Variants in CLIC5 observed in about 807,000 individuals in gnomAD.
The protein encoded by CLIC5 is chloride intracellular channel protein 5.
In CLIC5, 20 loss-of-function variants were observed where a neutral mutation model predicts 24.7. That is an observed-to-expected ratio of 0.81 (90% CI 0.57 to 1.18). CLIC5 has a LOEUF of 1.18. Among genes scored for constraint, CLIC5 ranks in the 50% most tolerant of loss-of-function variants. CLIC5 has a pLI of 0.00. For missense variants in CLIC5, 341 were observed against 326.1 expected (o/e 1.05, Z -0.35); for synonymous variants, 159 against 135.6 (o/e 1.17, Z -1.20).
chr6:45,984,492 G>A (rs888665374), intron 1 of CLIC5, among the ~76,000 whole-genome samples: 1 of 152,198 alleles, frequency 6.6e-6, no homozygotes, highest in Non-Finnish European at 1.5e-5. Flanking sequence ...AGTAAAATGA[G>A]AATGACACTT....
In CLIC5 at chr6:45,955,190, T is replaced by C; in HGVS notation, c.118A>G (p.Met40Val). 6.2e-7 allele frequency: 1 copy of C among 1,614,060 alleles called. No homozygotes were observed. Among genetic ancestry groups the C allele is most frequent in the Non-Finnish European group, 8.5e-7 (1 of 1,179,930 alleles). The change falls in exon 2 of 6, where the codon ATG (methionine) becomes GTG (valine). Residue 40 changes from methionine (M) to valine (V), a missense_variant. Met to Val is a conservative substitution (Grantham distance 21). Transcript: ENST00000339561. The part of the protein sequence containing the change: ...GNCPFSQRLF[M>V]ILWLKGVVFN... Reference sequence around the variant, plus strand: ...ACGACTCCTTTCAGCCAGAGGATCATGAAGAGGCGCTGAGAGAAAGGACAG... The same window carrying C: ...ACGACTCCTTTCAGCCAGAGGATCACGAAGAGGCGCTGAGAGAAAGGACAG...
chr6:46,026,932 C>T (rs1562012196), intron 1 of CLIC5, among the ~76,000 whole-genome samples: 1 of 152,186 alleles, frequency 6.6e-6, no homozygotes, highest in Admixed American at 6.5e-5. Context: ...ATAGCACCAA[C>T]TGCCTCACAA....
intron 4 of CLIC5, among the ~76,000 whole-genome samples, chr6:45,928,251 A>T (rs1337382928): frequency 6.6e-6 from 1 of 152,216 alleles, no homozygotes; most frequent in Non-Finnish European, 1.5e-5. Context: ...ATGTCTTTGC[A>T]ACACTAGTTG....
intron 1 of CLIC5, among the ~76,000 whole-genome samples, chr6:46,004,131 A>T (rs1317627533): frequency 1.3e-5 from 2 of 152,212 alleles, no homozygotes; most frequent in Non-Finnish European, 2.9e-5. Context: ...GCAGATGGGG[A>T]ATCGATGTCA....
intron 6 of CLIC5, among the ~76,000 whole-genome samples, chr6:45,889,938 T>A (rs1462739832): frequency 6.6e-6 from 1 of 152,184 alleles, no homozygotes; most frequent in Non-Finnish European, 1.5e-5. Context: ...ATTCATAGAA[T>A]GAAACACTAT....
chr6:45,906,476 G>T (rs1341302622), intron 5 of CLIC5, among the ~76,000 whole-genome samples: 1 of 151,678 alleles, frequency 6.6e-6, no homozygotes, highest in East Asian at 1.9e-4. Flanking sequence ...TATTTTTGCA[G>T]CTATTATAAA....
intron 1 of CLIC5, among the ~76,000 whole-genome samples, chr6:45,975,388 C>G (rs1415746654): frequency 6.6e-6 from 1 of 152,134 alleles, no homozygotes; most frequent in Non-Finnish European, 1.5e-5. Flanking sequence ...TAAAGTGATG[C>G]CCACGTGGCT....
At chr6:46,056,110 A>G (rs1768242723) in intron 1 of CLIC5, among the ~76,000 whole-genome samples, 1 of 152,190 alleles carries the variant, frequency 6.6e-6, no homozygotes, top group South Asian at 2.1e-4. Context: ...TTTTACCTCA[A>G]TGTAAAAAAT....
chr6:46,031,658 G>A (rs549486671), intron 1 of CLIC5, among the ~76,000 whole-genome samples: 9 of 152,010 alleles, frequency 5.9e-5, no homozygotes, highest in African/African-American at 1.9e-4. Context: ...ACTCTTAAGT[G>A]AGCAAAGGAT....
the CLIC5 span, among the ~76,000 whole-genome samples, chr6:46,100,760 T>G: frequency 3.1e-4 from 47 of 152,250 alleles, no homozygotes; most frequent in South Asian, 8.9e-3. Flanking sequence ...TCCTCTGAAG[T>G]TTCGCTGAAA....
At chr6:45,928,098 G>A (rs187409036) in intron 4 of CLIC5, among the ~76,000 whole-genome samples, 12 of 152,260 alleles carry the variant, frequency 7.9e-5, no homozygotes, top group East Asian at 7.7e-4. Context: ...CCTGCAAGAC[G>A]GCGCTGGAGC....
intron 5 of CLIC5, among the ~76,000 whole-genome samples, chr6:45,905,790 T>G (rs1046005871): frequency 1.3e-5 from 2 of 152,192 alleles, no homozygotes; most frequent in African/African-American, 2.4e-5. Context: ...CATCATAAAT[T>G]ACTTCCCAAA....
At chr6:46,078,729 A>G (rs892316417) in intron 1 of CLIC5, among the ~76,000 whole-genome samples, 4 of 152,216 alleles carry the variant, frequency 2.6e-5, no homozygotes, top group African/African-American at 9.7e-5. Context: ...TTATTTTTAA[A>G]AGGACCTTGT....
Position 45,956,474 on chromosome 6 carries a change from T to G in CLIC5, c.64-1230A>C, listed in dbSNP as rs1341872724. 5.3e-5 allele frequency among the ~76,000 whole-genome samples: 8 copies of G among 151,880 alleles called. No homozygotes were observed. The South Asian group carries it at 1.0e-3, about 20-fold the overall frequency. ...CCAGGAATGGGGGCTTACTGAGTTT[T>G]TTTTTTTTTTTTTTCAAAAGAAAGG... On this transcript the variant is annotated intron_variant, in intron 1 of 5. Coordinates refer to ENST00000339561, the MANE Select transcript of CLIC5 (RefSeq NM_016929.5).
chr6:45,965,300 T>G (rs1764980999), intron 1 of CLIC5, among the ~76,000 whole-genome samples: 1 of 152,216 alleles, frequency 6.6e-6, no homozygotes, highest in Non-Finnish European at 1.5e-5. Context: ...ATAAGACTAT[T>G]GAATTTCTGT....
chr6:46,040,390 G>A (rs573085016), intron 1 of CLIC5, among the ~76,000 whole-genome samples: 1 of 152,252 alleles, frequency 6.6e-6, no homozygotes, highest in East Asian at 1.9e-4. Context: ...TGGTGGATGA[G>A]GCTTGGTGGT....
At chr6:45,950,841 CT>C (rs1186424166) in intron 2 of CLIC5, among the ~76,000 whole-genome samples, 1 of 152,038 alleles carries the variant, frequency 6.6e-6, no homozygotes, top group African/African-American at 2.4e-5. Context: ...AGAACATTTA[CT>C]AGATTTACTA....
intron 1 of CLIC5, among the ~76,000 whole-genome samples, chr6:45,956,783 T>C (rs1473970933): frequency 6.6e-6 from 1 of 152,194 alleles, no homozygotes; most frequent in Admixed American, 6.5e-5. Context: ...AGTTCTCACT[T>C]TTCCTCAGTG....
upstream of CLIC5, among the ~76,000 whole-genome samples, chr6:46,016,958 G>C (rs1311608300): frequency 6.6e-6 from 1 of 152,174 alleles, no homozygotes; most frequent in Non-Finnish European, 1.5e-5. Flanking sequence ...ATGGACATTT[G>C]TGCAGGTGAC....
Sources: allele counts gnomAD v4.1 joint callset (sites outside exome capture counted in the v4.1 genomes callset), GRCh38; gene constraint gnomAD v4.1.1; transcripts MANE v1.5; gene names NCBI Gene and HGNC (gene_info 2026-07-23, HGNC 2026-07-21).